Variants in LPP observed in about 807,000 individuals in gnomAD.
LPP encodes lipoma-preferred partner.
A neutral mutation model predicts 60.4 loss-of-function variants in LPP; 38 were observed. The observed-to-expected ratio is 0.63, with a 90% CI of 0.49 to 0.83. The LOEUF (loss-of-function observed/expected upper bound fraction) is 0.83. Ranked by LOEUF, LPP falls within the 40% of genes least tolerant of loss-of-function variation. LPP has a pLI of 0.00. For missense variants in LPP, 902 were observed against 783.6 expected (o/e 1.15, Z -1.80); for synonymous variants, 328 against 290.8 (o/e 1.13, Z -1.30).
intron 3 of LPP, among the ~76,000 whole-genome samples, chr3:188,384,477 T>C (rs1226601691): frequency 1.3e-5 from 2 of 151,956 alleles, no homozygotes; most frequent in Non-Finnish European, 2.9e-5. Context: ...CCATCTTCAG[T>C]TGTCTAGGTA....
chr3:188,722,143 A>G (rs1716669363), intron 8 of LPP, among the ~76,000 whole-genome samples: 1 of 152,112 alleles, frequency 6.6e-6, no homozygotes, highest in South Asian at 2.1e-4. Context: ...GGTTTATGAG[A>G]GGGTCACTGC....
chr3:188,484,592 G>C lies in LPP; in HGVS notation c.194G>C (p.Gly65Ala). 6.2e-7 allele frequency: 1 copy of C among 1,605,262 alleles called. No individual in the cohort carries two copies. The highest frequency in any genetic ancestry group is 8.5e-7 in the Non-Finnish European group (1 of 1,172,466). Residue 65 changes from glycine (G) to alanine (A), a missense_variant and splice_region_variant, in exon 5 of 12, where the codon GGT (glycine) becomes GCT (alanine). By Grantham distance (60) the Gly-to-Ala change is moderately conservative (BLOSUM62 0). Coordinates refer to ENST00000617246, the MANE Select transcript of LPP (RefSeq NM_001375462.1). Reference sequence around the variant, plus strand: ...CATGTTGTTTACTTCTTTTCTGTAGGTGATTTTCTTCCACCCCCACCTCCA... The same window carrying C: ...CATGTTGTTTACTTCTTTTCTGTAGCTGATTTTCTTCCACCCCCACCTCCA... ...YNPYKQPGGE[G>A]DFLPPPPPPL... is the part of the protein sequence containing the mutation.
At chr3:188,265,303 G>T (rs73888098) in intron 2 of LPP, among the ~76,000 whole-genome samples, 1 of 152,110 alleles carries the variant, frequency 6.6e-6, no homozygotes, top group South Asian at 2.1e-4. Context: ...CTGAAGGCCT[G>T]TATATGGAGG....
At chr3:188,406,049 A>C in intron 3 of LPP, 63 bp from the exon 4 acceptor site, 1 of 1,390,110 alleles carries the variant, frequency 7.2e-7, no homozygotes, top group Non-Finnish European at 1.0e-6. Context: ...AATAGCAATG[A>C]AATGAGGAGT....
At chr3:188,753,859 C>T (rs1379227047) in intron 8 of LPP, among the ~76,000 whole-genome samples, 2 of 152,070 alleles carry the variant, frequency 1.3e-5, no homozygotes, top group African/African-American at 4.8e-5. Context: ...CCCCCACTAG[C>T]CACGTACCTG....
At chr3:188,426,397 G>A (rs1001673322) in intron 4 of LPP, among the ~76,000 whole-genome samples, 7 of 152,278 alleles carry the variant, frequency 4.6e-5, no homozygotes, top group African/African-American at 1.4e-4. Context: ...TAAAATAAAT[G>A]TGATGTGGTT....
intron 4 of LPP, among the ~76,000 whole-genome samples, chr3:188,433,246 C>A (rs1159986845): frequency 6.6e-6 from 1 of 152,226 alleles, no homozygotes; most frequent in African/African-American, 2.4e-5. Flanking sequence ...CCATCACAAC[C>A]ACCATTTCAA....
At chr3:188,830,008 T>TAAAAAA (rs11360601) in intron 9 of LPP, among the ~76,000 whole-genome samples, 1 of 144,010 alleles carries the variant, frequency 6.9e-6, no homozygotes, top group African/African-American at 2.6e-5. Context: ...CCCATCTCAT[T>TAAAAAA]AAAAAAAAAA....
intron 3 of LPP, among the ~76,000 whole-genome samples, chr3:188,343,236 C>G (rs1763521022): frequency 6.6e-6 from 1 of 152,066 alleles, no homozygotes; most frequent in South Asian, 2.1e-4. Context: ...TCGTTCAACT[C>G]CCACTTCTGA....
intron 2 of LPP, among the ~76,000 whole-genome samples, chr3:188,270,739 A>G (rs1398259723): frequency 6.6e-6 from 1 of 152,242 alleles, no homozygotes; most frequent in Non-Finnish European, 1.5e-5. Flanking sequence ...GTTTTGAGAA[A>G]GAAGCTAATG....
intron 4 of LPP, among the ~76,000 whole-genome samples, chr3:188,437,332 C>T (rs1433524301): frequency 6.6e-6 from 1 of 152,086 alleles, no homozygotes; most frequent in African/African-American, 2.4e-5. Flanking sequence ...AGGAAAAGTT[C>T]CTGCTATTAG....
chr3:188,483,341 C>G (rs775706620), intron 4 of LPP, among the ~76,000 whole-genome samples: 16 of 152,134 alleles, frequency 1.1e-4, no homozygotes, highest in Admixed American at 2.0e-4. Context: ...ACTTCTATTT[C>G]TCAGGGCCTA....
chr3:188,641,904 G>C (rs189553182), intron 7 of LPP, among the ~76,000 whole-genome samples: 129 of 152,276 alleles, frequency 8.5e-4, no homozygotes, highest in African/African-American at 2.9e-3. Flanking sequence ...TTTGAATCTG[G>C]AGGTCTTTGA....
At chr3:188,697,585 A>G (rs923213867) in intron 7 of LPP, among the ~76,000 whole-genome samples, 6 of 152,198 alleles carry the variant, frequency 3.9e-5, no homozygotes, top group Non-Finnish European at 5.9e-5. Flanking sequence ...TCCTAGGTTC[A>G]TACCTGAAAA....
intron 2 of LPP, among the ~76,000 whole-genome samples, chr3:188,232,378 A>G (rs1261519249): frequency 6.6e-6 from 1 of 151,264 alleles, no homozygotes; most frequent in African/African-American, 2.4e-5. Context: ...ATGGAGTCTC[A>G]CTGTTGCCCA....
chr3:188,434,940 G>T (rs1242994088), intron 4 of LPP, among the ~76,000 whole-genome samples: 1 of 152,114 alleles, frequency 6.6e-6, no homozygotes, highest in Admixed American at 6.5e-5. Context: ...TTAAAGATCT[G>T]TGCTAGGAAC....
At chr3:188,642,290 G>A (rs1332220455) in intron 7 of LPP, among the ~76,000 whole-genome samples, 3 of 152,118 alleles carry the variant, frequency 2.0e-5, no homozygotes, top group Admixed American at 6.5e-5. Flanking sequence ...TATTATCACT[G>A]TATTAATTTT....
Position 188,866,270 on chromosome 3 carries a change from C to A in LPP, c.1481C>A (p.Ala494Asp), listed in dbSNP as rs1220308347. 1.3e-6 allele frequency: 2 copies of A among 1,590,760 alleles called. No homozygotes were observed. The highest frequency in any genetic ancestry group is 3.5e-5 in the Admixed American group (2 of 57,006). Residue 494 changes from alanine to aspartate, a missense_variant, in exon 10 of 12, where the codon GCC (alanine) becomes GAC (aspartate). Transcript: ENST00000617246. Reference sequence around the variant, plus strand: ...CGGATTCTCCGAGCCACCGGGAAGGCCTATCATCCTCACTGTTTCACCTGC... The same window carrying A: ...CGGATTCTCCGAGCCACCGGGAAGGACTATCATCCTCACTGTTTCACCTGC... ...MERILRATGK[A>D]YHPHCFTCVM...
At chr3:188,250,655 G>C (rs1302346588) in intron 2 of LPP, among the ~76,000 whole-genome samples, 3 of 151,674 alleles carry the variant, frequency 2.0e-5, no homozygotes, top group Non-Finnish European at 4.4e-5. Flanking sequence ...CTGTATGCGG[G>C]AGCCCCTTCC....
Sources: gnomAD v4.1 joint callset for allele counts (sites outside exome capture counted in the v4.1 genomes callset) on GRCh38, gnomAD v4.1.1 for gene constraint, MANE v1.5 for transcripts, NCBI Gene and HGNC (gene_info 2026-07-23, HGNC 2026-07-21) for gene names.